Variants in AGTPBP1 observed in about 807,000 individuals in gnomAD.
AGTPBP1 encodes the protein cytosolic carboxypeptidase 1.
In AGTPBP1, 70 loss-of-function variants were observed where a neutral mutation model predicts 143.9. The observed-to-expected ratio is 0.49, with a 90% CI of 0.40 to 0.59. The LOEUF (loss-of-function observed/expected upper bound fraction) is 0.59, where lower values mean the gene tolerates loss of function less well. Among genes scored for constraint, AGTPBP1 ranks in the 20% least tolerant of loss-of-function variants. AGTPBP1 has a pLI of 0.00. For synonymous variants in AGTPBP1, 463 were observed against 500.2 expected (o/e 0.93, Z 0.99); for missense variants, 1,229 against 1,464.5 (o/e 0.84, Z 2.62).
intron 1 of AGTPBP1, among the ~76,000 whole-genome samples, chr9:85,722,975 C>G (rs1488842048): frequency 6.6e-6 from 1 of 152,122 alleles, no homozygotes; most frequent in Non-Finnish European, 1.5e-5. Flanking sequence ...CACTCCAGAC[C>G]CTGTTTGCCT....
intron 3 of AGTPBP1, among the ~76,000 whole-genome samples, chr9:85,683,728 C>T (rs1157260532): frequency 6.6e-6 from 1 of 152,106 alleles, no homozygotes; most frequent in Non-Finnish European, 1.5e-5. Flanking sequence ...ATTCTCAGGA[C>T]CTCAAACTGC....
At chr9:85,619,642 C>T (rs143754160) in intron 15 of AGTPBP1, among the ~76,000 whole-genome samples, 77 of 152,222 alleles carry the variant, frequency 5.1e-4, no homozygotes, top group African/African-American at 1.6e-3. Flanking sequence ...TTCTCATAAA[C>T]GATGCAGTTC....
chr9:85,729,485 C>A (rs1029598570), intron 1 of AGTPBP1, among the ~76,000 whole-genome samples: 1 of 152,012 alleles, frequency 6.6e-6, no homozygotes, highest in Non-Finnish European at 1.5e-5. Flanking sequence ...TGCATAGGAT[C>A]TAAAGTATGG....
At chr9:85,653,327 A>G (rs1380001126) in intron 11 of AGTPBP1, among the ~76,000 whole-genome samples, 2 of 152,188 alleles carry the variant, frequency 1.3e-5, no homozygotes, top group Non-Finnish European at 2.9e-5. Flanking sequence ...TCCCATCTGA[A>G]TCAGGAAGGC....
chr9:85,662,421 T>C (rs1833901475), intron 8 of AGTPBP1, among the ~76,000 whole-genome samples: 1 of 152,214 alleles, frequency 6.6e-6, no homozygotes, highest in Non-Finnish European at 1.5e-5. Flanking sequence ...TTTCATTGCA[T>C]TGAATTATCA....
chr9:85,737,945 TG>T (rs1823914388), intron 1 of AGTPBP1, among the ~76,000 whole-genome samples: 1 of 152,208 alleles, frequency 6.6e-6, no homozygotes, highest in Non-Finnish European at 1.5e-5. Context: ...AACAACATAT[TG>T]CAATAGACTG....
chr9:85,549,074 G>C (rs1449355607), intron 25 of AGTPBP1, among the ~76,000 whole-genome samples: 1 of 152,126 alleles, frequency 6.6e-6, no homozygotes, highest in Non-Finnish European at 1.5e-5. Flanking sequence ...AGGAGTCCCA[G>C]GTGATTCTTA....
chr9:85,636,789 T>C (rs144041975), intron 13 of AGTPBP1, among the ~76,000 whole-genome samples: 1 of 152,120 alleles, frequency 6.6e-6, no homozygotes, highest in African/African-American at 2.4e-5. Flanking sequence ...ACGCAGAGTT[T>C]TTCCAAATCT....
chr9:85,683,937 C>G (rs1835341295), intron 3 of AGTPBP1, among the ~76,000 whole-genome samples: 1 of 152,002 alleles, frequency 6.6e-6, no homozygotes, highest in African/African-American at 2.4e-5. Flanking sequence ...GCACCCCCAC[C>G]CCCACCAATT....
At chr9:85,756,188 A>G in the AGTPBP1 span, 31 of 1,610,966 alleles carry the variant, frequency 1.9e-5, no homozygotes, top group Non-Finnish European at 2.6e-5. Flanking sequence ...CATAGTTTCT[A>G]AGAAGGAGGC....
At chr9:85,578,353 G>A (rs771580871) in intron 24 of AGTPBP1, among the ~76,000 whole-genome samples, 3 of 152,214 alleles carry the variant, frequency 2.0e-5, no homozygotes, top group South Asian at 2.1e-4. Context: ...GCTCATGCCT[G>A]TAATCCCGGA....
rs148733959 is a variant in AGTPBP1, at chr9:85,670,595, G to A, written c.569-1017C>T. Among the ~76,000 whole-genome samples, 197 of 152,268 alleles carry A rather than the reference G, an allele frequency of 1.3e-3. 2 individuals carry two copies. The East Asian group carries it at 0.026, about 20-fold the overall frequency. ...AATATATTGTAGAACCAGGGACAATGGCATGTGCCTGTAGTCTTAGCTGCT... is the reference window on the plus strand; with the variant it reads ...AATATATTGTAGAACCAGGGACAATAGCATGTGCCTGTAGTCTTAGCTGCT... On this transcript the variant is annotated intron_variant, in intron 7 of 25. Transcript: ENST00000357081.
chr9:85,568,140 T>C (rs1185579919), intron 25 of AGTPBP1, among the ~76,000 whole-genome samples: 3 of 152,192 alleles, frequency 2.0e-5, no homozygotes, highest in Non-Finnish European at 4.4e-5. Context: ...CATTGACCAG[T>C]GTGGTCCACA....
At chr9:85,572,497 T>C (rs1383136588) in intron 25 of AGTPBP1, among the ~76,000 whole-genome samples, 1 of 152,232 alleles carries the variant, frequency 6.6e-6, no homozygotes, top group Admixed American at 6.5e-5. Flanking sequence ...ATCGATTATA[T>C]GGAAATATAA....
intron 17 of AGTPBP1, among the ~76,000 whole-genome samples, chr9:85,615,148 A>G (rs549235654): frequency 6.6e-6 from 1 of 152,278 alleles, no homozygotes; most frequent in South Asian, 2.1e-4. Context: ...CAATTCACAG[A>G]AAATACCAAA....
the AGTPBP1 span, among the ~76,000 whole-genome samples, chr9:85,802,162 G>A: frequency 2.0e-5 from 3 of 151,900 alleles, no homozygotes; most frequent in East Asian, 1.9e-4. Flanking sequence ...ATCTCTTATC[G>A]TTCCAAGGTC....
At chr9:85,646,216 C>A (rs546913966) in intron 12 of AGTPBP1, 105 bp downstream of exon 12, 2 of 735,744 alleles carry the variant, frequency 2.7e-6, no homozygotes, top group South Asian at 3.6e-5. Flanking sequence ...AAGATGTGGA[C>A]AAAGTAAAAC....
rs191121163 is a variant in AGTPBP1, at chr9:85,590,585, T to C, written c.2569-904A>G. Among the ~76,000 whole-genome samples, 95 of 152,226 alleles carry C rather than the reference T, an allele frequency of 6.2e-4. 1 individual carries two copies. The highest frequency in any genetic ancestry group is 1.8e-3 in the African/African-American group (75 of 41,542). On this transcript the variant is annotated intron_variant, in intron 19 of 25. Coordinates refer to ENST00000357081, the MANE Select transcript of AGTPBP1 (RefSeq NM_001330701.2). Reference sequence around the variant, plus strand: ...TATTTTCCAGAAACTGTACAGGGCATTGGGGATACAACAATGAATAAATGA... The same window carrying C: ...TATTTTCCAGAAACTGTACAGGGCACTGGGGATACAACAATGAATAAATGA...
At chr9:85,767,841 T>G in the AGTPBP1 span, among the ~76,000 whole-genome samples, 2 of 152,150 alleles carry the variant, frequency 1.3e-5, no homozygotes, top group Non-Finnish European at 2.9e-5. Context: ...TGTTGTTAGT[T>G]TTTTGTTTCA....
Sources: allele counts gnomAD v4.1 joint callset (sites outside exome capture counted in the v4.1 genomes callset), GRCh38; gene constraint gnomAD v4.1.1; transcripts MANE v1.5; gene names NCBI Gene and HGNC (gene_info 2026-07-23, HGNC 2026-07-21).